The following CPAP variants were observed in gnomAD, a reference collection of about 807,000 sequenced individuals.
The protein encoded by CPAP is centrosomal P4.1-associated protein.
the CPAP span, among the ~76,000 whole-genome samples, chr13:24,888,936 A>G: frequency 6.6e-6 from 1 of 150,478 alleles, no homozygotes; most frequent in African/African-American, 2.5e-5. Flanking sequence ...GCAGATCTCC[A>G]TTTTTTTTTC....
chr13:24,912,427 C>T, the CPAP span, among the ~76,000 whole-genome samples: 1 of 152,156 alleles, frequency 6.6e-6, no homozygotes, highest in Non-Finnish European at 1.5e-5. Context: ...ATTAAACACA[C>T]TTAAATGTTT....
the CPAP span, chr13:24,907,324 A>G: frequency 1.4e-6 from 1 of 709,358 alleles, no homozygotes; most frequent in Non-Finnish European, 2.5e-6. Context: ...CCTCCCTTTG[A>G]GAACCTAACA....
chr13:24,932,033 G>A, the CPAP span, among the ~76,000 whole-genome samples: 1 of 152,224 alleles, frequency 6.6e-6, no homozygotes, highest in Non-Finnish European at 1.5e-5. Flanking sequence ...GCGCCTTCTG[G>A]CGACGGTCCC....
At chr13:24,931,306 C>CTTTTTTTTTTTTTTTTTTTT in the CPAP span, among the ~76,000 whole-genome samples, 39 of 72,632 alleles carry the variant, frequency 5.4e-4, 2 homozygotes, top group African/African-American at 1.6e-3. Flanking sequence ...TTTCATGTTT[C>CTTTTTTTTTTTTTTTTTTTT]TTTTTTTTTT....
chr13:24,891,279 G>A, the CPAP span, among the ~76,000 whole-genome samples: 2 of 151,962 alleles, frequency 1.3e-5, no homozygotes, highest in African/African-American at 4.8e-5. Flanking sequence ...GCTCCTCCCT[G>A]CCTACTCACA....
At chr13:24,906,467 T>A in the CPAP span, 10 of 1,614,216 alleles carry the variant, frequency 6.2e-6, no homozygotes, top group Non-Finnish European at 8.5e-6. Context: ...AGGAAGTCTG[T>A]CTTTACCTTG....
At chr13:24,925,760 C>T in the CPAP span, 1 of 152,672 alleles carries the variant, frequency 6.5e-6, no homozygotes, top group African/African-American at 2.4e-5. Context: ...AAGCTGAAGG[C>T]AGCTGTTTTC....
the CPAP span, among the ~76,000 whole-genome samples, chr13:24,916,922 C>T: frequency 6.6e-6 from 1 of 152,238 alleles, no homozygotes; most frequent in South Asian, 2.1e-4. Flanking sequence ...AGACCAAGTG[C>T]ACAGTAGTGT....
chr13:24,892,576 T>C, the CPAP span: 3 of 1,242,166 alleles, frequency 2.4e-6, no homozygotes, highest in Non-Finnish European at 2.4e-6. Context: ...TCTGACTCTA[T>C]GAATTTGAAT....
the CPAP span, chr13:24,889,183 A>G: frequency 1.4e-6 from 1 of 727,260 alleles, no homozygotes; most frequent in Non-Finnish European, 2.4e-6. Context: ...CAGGAGCTTC[A>G]ATTACATTTA....
At chr13:24,884,124 G>A in the CPAP span, 2 of 1,591,914 alleles carry the variant, frequency 1.3e-6, no homozygotes, top group Non-Finnish European at 1.7e-6. Context: ...TTTGAAGGAA[G>A]GGAAGAATTT....
the CPAP span, chr13:24,922,694 C>G: frequency 1.3e-5 from 2 of 152,316 alleles, no homozygotes; most frequent in Non-Finnish European, 2.9e-5. Context: ...TGCCCGCCCA[C>G]CGCCGTCCAT....
the CPAP span, chr13:24,907,885 A>G: frequency 1.4e-6 from 1 of 690,880 alleles, no homozygotes; most frequent in Non-Finnish European, 2.6e-6. Flanking sequence ...AATAGGTTGT[A>G]TCTTTAACCT....
chr13:24,896,602 G>A, the CPAP span, among the ~76,000 whole-genome samples: 26 of 152,330 alleles, frequency 1.7e-4, no homozygotes, highest in South Asian at 3.9e-3. Flanking sequence ...TGCAAGAAAA[G>A]AAAACCCACG....
chr13:24,911,894 CTA>C, the CPAP span: 2 of 1,611,028 alleles, frequency 1.2e-6, no homozygotes, highest in Admixed American at 3.3e-5. Context: ...TGTCAAACAA[CTA>C]CAGGTAAGAA....
the CPAP span, among the ~76,000 whole-genome samples, chr13:24,911,391 C>T: frequency 1.3e-5 from 2 of 152,200 alleles, no homozygotes; most frequent in East Asian, 3.8e-4. Context: ...TCATCTCCTA[C>T]CACAGAAAAT....
chr13:24,912,700 G>A, the CPAP span: 12 of 1,613,992 alleles, frequency 7.4e-6, no homozygotes, highest in Non-Finnish European at 8.5e-6. Flanking sequence ...GTGACATGCC[G>A]CTACCTGTGG....
chr13:24,907,572 ATAT>A, the CPAP span, among the ~76,000 whole-genome samples: 14,781 of 152,266 alleles, frequency 0.097, 898 homozygotes, highest in Non-Finnish European at 0.14. Context: ...CATTTTGTCC[ATAT>A]TATATTAAAA....
the CPAP span, among the ~76,000 whole-genome samples, chr13:24,911,369 A>G: frequency 6.6e-6 from 1 of 152,160 alleles, no homozygotes; most frequent in Non-Finnish European, 1.5e-5. Flanking sequence ...TGGGTCACAC[A>G]ACAGAATACT....
Sources: gnomAD v4.1 joint callset for allele counts (sites outside exome capture counted in the v4.1 genomes callset) on GRCh38, gnomAD v4.1.1 for gene constraint, MANE v1.5 for transcripts, NCBI Gene and HGNC (gene_info 2026-07-23, HGNC 2026-07-21) for gene names.